COL4A5: variants seen among roughly 807,000 people sequenced by gnomAD.
COL4A5 encodes collagen type IV alpha 5 chain, also known as collagen alpha-5(IV) chain.
In COL4A5, 26 loss-of-function variants were observed where a neutral mutation model predicts 130.2. The observed-to-expected ratio is 0.20, with a 90% CI of 0.15 to 0.28. The LOEUF (loss-of-function observed/expected upper bound fraction) is 0.28, where lower values mean the gene tolerates loss of function less well. Ranked by LOEUF, COL4A5 falls within the 10% of genes least tolerant of loss-of-function variation. COL4A5 has a pLI of 1.00. For synonymous variants in COL4A5, 496 were observed against 439.6 expected (o/e 1.13, Z -1.60); for missense variants, 1,131 against 1,344.3 (o/e 0.84, Z 2.48).
chrX:108,492,424 G>A (rs2065000874), intron 1 of COL4A5, among the ~76,000 whole-genome samples: 1 of 111,811 alleles, frequency 8.9e-6, no homozygotes. Flanking sequence ...AACAAACCCT[G>A]GAGAGGGAAG....
At chrX:108,526,620 CTT>C (rs1255133191) in intron 1 of COL4A5, among the ~76,000 whole-genome samples, 5 of 50,858 alleles carry the variant, frequency 9.8e-5, no homozygotes, top group African/African-American at 1.3e-4. Flanking sequence ...TTCTTTCTTT[CTT>C]TCTTTCTTTC....
chrX:108,460,727 C>T (rs1349967752), intron 1 of COL4A5, among the ~76,000 whole-genome samples: 6 of 88,537 alleles, frequency 6.8e-5, no homozygotes, highest in Admixed American at 5.8e-4. Context: ...AGGCTGGTCT[C>T]GAACTCCTGA....
chrX:108,659,021 A>T (rs764195002), intron 37 of COL4A5, among the ~76,000 whole-genome samples: 1 of 111,070 alleles, frequency 9.0e-6, no homozygotes, highest in Non-Finnish European at 1.9e-5. Flanking sequence ...TTTCTAATAG[A>T]TGTATTTAAA....
At chrX:108,544,044 T>C (rs2065598514) in intron 2 of COL4A5, among the ~76,000 whole-genome samples, 1 of 112,175 alleles carries the variant, frequency 8.9e-6, no homozygotes, top group South Asian at 3.7e-4. Context: ...TACAATCATG[T>C]CATCTGCAAA....
chrX:108,516,856 A>C (rs2065225599), intron 1 of COL4A5, among the ~76,000 whole-genome samples: 1 of 111,539 alleles, frequency 9.0e-6, no homozygotes, highest in African/African-American at 3.2e-5. Flanking sequence ...AATGGAAGGA[A>C]TGTGGCATTT....
intron 2 of COL4A5, among the ~76,000 whole-genome samples, chrX:108,552,480 A>C (rs1195381983): frequency 8.9e-6 from 1 of 112,014 alleles, no homozygotes; most frequent in Non-Finnish European, 1.9e-5. Context: ...AATCAGTCAT[A>C]TGTCCATAAT....
intron 17 of COL4A5, among the ~76,000 whole-genome samples, chrX:108,583,337 A>G (rs770407682): frequency 1.1e-3 from 120 of 111,898 alleles, no homozygotes; most frequent in African/African-American, 3.4e-3. Context: ...TCCATTCTGT[A>G]TGCAATTATT....
Position 108,624,277 on chromosome X carries a change from C to A in COL4A5, c.2959C>A (p.Pro987Thr). 8.3e-6 allele frequency: 10 copies of A among 1,210,793 alleles called. No individual in the cohort carries two copies. Among genetic ancestry groups the A allele is most frequent in the Non-Finnish European group, 1.0e-5 (9 of 894,904 alleles). Reference sequence around the variant, plus strand: ...AGGGCCAAAAGGTTATCAGGGTTTGCCTGGAGACCCAGGGCAACCTGGACT... The same window carrying A: ...AGGGCCAAAAGGTTATCAGGGTTTGACTGGAGACCCAGGGCAACCTGGACT... ...VSGPKGYQGL[P>T]GDPGQPGLSG... The change falls in exon 34 of 53, where the codon CCT becomes ACT. Residue 987 changes from proline (P) to threonine (T), a missense_variant. Pro to Thr is a conservative substitution (Grantham distance 38). Coordinates refer to ENST00000328300, the MANE Select transcript of COL4A5 (RefSeq NM_033380.3).
At chrX:108,689,395 C>T (rs1046794301) in intron 49 of COL4A5, 9 of 750,396 alleles carry the variant, frequency 1.2e-5, no homozygotes, top group African/African-American at 2.3e-5. Context: ...TTGAGCACTA[C>T]GAATTCAAAA....
Position 108,591,411 on chromosome X carries a change from T to A in COL4A5, c.1340-150T>A, listed in dbSNP as rs2066432188. 5 of 613,781 alleles carry A rather than the reference T, an allele frequency of 8.1e-6. No individual in the cohort carries two copies. In the Admixed American group the frequency reaches 1.5e-4, roughly 19 times the overall value. The allele number at this position is 613,781 out of a possible 1,213,427, so 50.6% of individuals were successfully genotyped here. A position where few individuals can be genotyped will look rare whatever the true frequency, so the allele number is the denominator to read the frequency against. ...ATGTTTACATTTGCTCTTCATATAG[T>A]ATTTATCAGCAATGTTATATTTTCC... On this transcript the variant is annotated intron_variant, in intron 20 of 52. Coordinates refer to ENST00000328300, the MANE Select transcript of COL4A5 (RefSeq NM_033380.3).
intron 36 of COL4A5, among the ~76,000 whole-genome samples, chrX:108,637,193 C>T (rs1017803502): frequency 9.1e-6 from 1 of 109,686 alleles, no homozygotes; most frequent in Admixed American, 9.8e-5. Context: ...CTTGGCCTCC[C>T]GAAGTGCTGG....
At chrX:108,553,793 T>C (rs2065784906) in intron 2 of COL4A5, among the ~76,000 whole-genome samples, 1 of 111,866 alleles carries the variant, frequency 8.9e-6, no homozygotes, top group Non-Finnish European at 1.9e-5. Context: ...GTAGCTTTAT[T>C]TGTAATAGCC....
In COL4A5 at chrX:108,601,407, C is replaced by T; in HGVS notation, c.1963C>T (p.Pro655Ser). The stretch of plus-strand genomic sequence containing the variant: ...CTTGCTTTCAGGTCCTAAAGGGGAT[C>T]CAGGTCAGACTATAACCCAGCCGGG... ...QPGIPGPKGD[P>S]GQTITQPGKP... Residue 655 changes from proline (P) to serine (S), a missense_variant, in exon 26 of 53, where the codon CCA becomes TCA. Transcript: ENST00000328300. The T allele has an allele frequency of 8.3e-7, 1 of 1,205,651 alleles. No homozygotes were observed. Among genetic ancestry groups the T allele is most frequent in the Non-Finnish European group, 1.1e-6 (1 of 891,382 alleles).
intron 36 of COL4A5, among the ~76,000 whole-genome samples, chrX:108,654,858 G>T (rs1454458360): frequency 8.9e-6 from 1 of 112,484 alleles, no homozygotes; most frequent in Non-Finnish European, 1.9e-5. Context: ...GCAATGAATT[G>T]CATTATGGCA....
intron 1 of COL4A5, among the ~76,000 whole-genome samples, chrX:108,496,161 T>C (rs965043542): frequency 3.3e-4 from 37 of 112,522 alleles, no homozygotes; most frequent in African/African-American, 1.2e-3. Flanking sequence ...CTTTAGATTA[T>C]TGAATTGAGA....
intron 21 of COL4A5, among the ~76,000 whole-genome samples, chrX:108,594,273 T>C (rs1268456299): frequency 1.8e-5 from 2 of 111,386 alleles, no homozygotes; most frequent in African/African-American, 6.5e-5. Context: ...GGCTCTACTT[T>C]CAGATATGTC....
chrX:108,603,032 C>G lies in COL4A5; in HGVS notation c.2215C>G (p.Pro739Ala), dbSNP rs104886164. The change falls in exon 28 of 53, where the codon CCT becomes GCT. Residue 739 changes from proline to alanine, a missense_variant. Physicochemically the swap from Pro to Ala is conservative, Grantham distance 27. Transcript: ENST00000328300. ...TPGRIGLEGP[P>A]GPPGFPGPKG... ...TGGAAGAATTGGTCTAGAAGGCCCTCCTGGGCCACCCGGCTTTCCAGGACC... is the reference window on the plus strand; with the variant it reads ...TGGAAGAATTGGTCTAGAAGGCCCTGCTGGGCCACCCGGCTTTCCAGGACC... The G allele has an allele frequency of 9.4e-4, 1,115 of 1,184,160 alleles. 20 individuals carry two copies. The East Asian group carries it at 0.032, about 34-fold the overall frequency.
intron 1 of COL4A5, among the ~76,000 whole-genome samples, chrX:108,508,379 A>G (rs903656538): frequency 9.1e-6 from 1 of 110,356 alleles, no homozygotes; most frequent in African/African-American, 3.3e-5. Context: ...TTCTCAAAGC[A>G]GTCAGAGAAG....
intron 1 of COL4A5, among the ~76,000 whole-genome samples, chrX:108,499,509 C>A (rs1276730061): frequency 9.0e-6 from 1 of 111,079 alleles, no homozygotes; most frequent in Non-Finnish European, 1.9e-5. Flanking sequence ...GCTTCCTCTT[C>A]CTTCATTTTC....
Sources: gnomAD v4.1 joint callset for allele counts (sites outside exome capture counted in the v4.1 genomes callset) on GRCh38, gnomAD v4.1.1 for gene constraint, MANE v1.5 for transcripts, NCBI Gene and HGNC (gene_info 2026-07-23, HGNC 2026-07-21) for gene names.